The following LINGO1 variants were observed in gnomAD, a reference collection of about 807,000 sequenced individuals.
LINGO1 encodes leucine rich repeat and Ig domain containing 1, also known as leucine-rich repeat and immunoglobulin-like domain-containing nogo receptor-interacting protein 1.
LINGO1 carries 11 observed loss-of-function variants against 37.3 expected under a neutral mutation model. The ratio of observed to expected loss-of-function variants is 0.29; its 90% confidence interval spans 0.19 to 0.49. LINGO1 has a LOEUF of 0.49. LINGO1 is among the 20% of genes least tolerant of loss of function. The pLI is 0.99. For synonymous variants in LINGO1, 387 were observed against 403.0 expected (o/e 0.96, Z 0.48); for missense variants, 585 against 878.2 (o/e 0.67, Z 4.22).
chr15:77,636,836 GAAGTAC>G (rs1200219974), upstream of LINGO1, among the ~76,000 whole-genome samples: 8 of 152,162 alleles, frequency 5.3e-5, no homozygotes, highest in African/African-American at 1.9e-4. Context: ...GCTGTGTAAT[GAAGTAC>G]TAGGCTAGAG....
chr15:77,760,417 G>T (rs2076463612), intron 1 of LINGO1, among the ~76,000 whole-genome samples: 1 of 152,238 alleles, frequency 6.6e-6, no homozygotes, highest in African/African-American at 2.4e-5. Flanking sequence ...GTTTTGTTTG[G>T]CCTGCTCAGT....
At chr15:77,646,591 C>T in intron 3 of LINGO1, 1 of 341,204 alleles carries the variant, frequency 2.9e-6, no homozygotes, top group Non-Finnish European at 5.9e-6. Context: ...GACCAGGGGC[C>T]AGCCTCTCTC....
intron 3 of LINGO1, among the ~76,000 whole-genome samples, chr15:77,642,985 G>A (rs906207256): frequency 6.6e-6 from 1 of 152,184 alleles, no homozygotes; most frequent in African/African-American, 2.4e-5. Context: ...CCTGGGCTTG[G>A]TGCCTCTCCC....
At chr15:77,643,588 C>T (rs1040580793) in intron 3 of LINGO1, among the ~76,000 whole-genome samples, 3 of 152,296 alleles carry the variant, frequency 2.0e-5, no homozygotes, top group African/African-American at 2.4e-5. Flanking sequence ...CTGCCATTCT[C>T]GGGCATGCCA....
intron 1 of LINGO1, among the ~76,000 whole-genome samples, chr15:77,799,481 C>G (rs2076899649): frequency 1.3e-5 from 2 of 152,206 alleles, no homozygotes; most frequent in Admixed American, 1.3e-4. Context: ...GGTGGTATTT[C>G]TCATTAGCAC....
intron 1 of LINGO1, among the ~76,000 whole-genome samples, chr15:77,627,026 C>A (rs1229631314): frequency 6.6e-6 from 1 of 151,334 alleles, no homozygotes; most frequent in African/African-American, 2.4e-5. Context: ...GCCCCCACCC[C>A]CTCCCAGAGG....
At chr15:77,683,618 T>G (rs2075453524) in intron 2 of LINGO1, among the ~76,000 whole-genome samples, 2 of 152,168 alleles carry the variant, frequency 1.3e-5, no homozygotes. Context: ...GGTGGGGTAA[T>G]GTGCATAATA....
chr15:77,799,308 G>C (rs1567590934), intron 1 of LINGO1, among the ~76,000 whole-genome samples: 1 of 152,076 alleles, frequency 6.6e-6, no homozygotes, highest in Non-Finnish European at 1.5e-5. Context: ...GAAGGCCAGG[G>C]ACTGCAGGAG....
intron 3 of LINGO1, among the ~76,000 whole-genome samples, chr15:77,662,884 A>G (rs972384262): frequency 6.6e-6 from 1 of 152,210 alleles, no homozygotes. Flanking sequence ...CACAGAACCC[A>G]CACTCCCTGG....
intron 2 of LINGO1, among the ~76,000 whole-genome samples, chr15:77,721,597 T>C (rs749440498): frequency 3.3e-5 from 5 of 152,168 alleles, no homozygotes; most frequent in Non-Finnish European, 7.3e-5. Context: ...ATTGACTGTG[T>C]TTTTTATTTG....
rs1162959845 is a variant in LINGO1 at position 77,632,361 on chromosome 15, T to A, written c.-46A>T. On this transcript the variant is annotated 5_prime_UTR_variant, in exon 1 of 2. Transcript: ENST00000355300. This position sits in a 1 kb window ranked among gnomAD's most constrained non-coding sequence, Gnocchi z 6.0. The stretch of plus-strand genomic sequence containing the variant: ...GCTCGGCTCGGTCACCAATCGCATG[T>A]CTCTCCAGCCGGCCCGACCAGGCCC... The A allele has an allele frequency of 6.4e-6, 9 of 1,396,740 alleles. No individual in the cohort carries two copies. Among genetic ancestry groups the A allele is most frequent in the Non-Finnish European group, 8.4e-6 (9 of 1,071,482 alleles). The allele number at this position is 1,396,740 out of a possible 1,614,324, so 86.5% of individuals were successfully genotyped here.
At chr15:77,820,643 C>T (rs191971658), upstream of LINGO1, 13 of 152,730 alleles carry the variant, frequency 8.5e-5, 1 homozygote, top group Admixed American at 7.2e-4. Flanking sequence ...GCCGACCCCT[C>T]TCTGCACCTC....
upstream of LINGO1, among the ~76,000 whole-genome samples, chr15:77,789,940 T>G (rs1262521472): frequency 6.6e-6 from 1 of 152,122 alleles, no homozygotes; most frequent in Non-Finnish European, 1.5e-5. Context: ...ACCAGCTATT[T>G]TTTTTATCTT....
chr15:77,812,284 G>C (rs920830284), intron 1 of LINGO1, among the ~76,000 whole-genome samples: 1 of 152,134 alleles, frequency 6.6e-6, no homozygotes, highest in African/African-American at 2.4e-5. Context: ...ATCCTCATGC[G>C]GCCACCATCC....
rs183516259 is a variant in LINGO1 at position 77,678,438 on chromosome 15, T to C, written c.-98-1264A>G. On this transcript the variant is annotated intron_variant, in intron 2 of 3. Transcript: ENST00000559893. ...AAATGGAGTCATCTAAACGTAGCCC[T>C]CTGAGTCTGGTTTCGTTCACCCAGC... Among the ~76,000 whole-genome samples the C allele has an allele frequency of 4.4e-4, 67 of 152,374 alleles. 1 individual carries two copies. Among genetic ancestry groups the C allele is most frequent in the Admixed American group, 4.3e-3 (66 of 15,312 alleles).
At chr15:77,689,715 C>T (rs1465668314) in intron 2 of LINGO1, among the ~76,000 whole-genome samples, 1 of 152,222 alleles carries the variant, frequency 6.6e-6, no homozygotes, top group Non-Finnish European at 1.5e-5. Context: ...CTCTTCCTCC[C>T]TTTCCCTGAG....
upstream of LINGO1, among the ~76,000 whole-genome samples, chr15:77,634,898 C>A (rs1326912994): frequency 1.3e-5 from 2 of 152,216 alleles, no homozygotes; most frequent in Non-Finnish European, 2.9e-5. Flanking sequence ...GGCGCGCAGA[C>A]CCGCTGGGGG....
intron 3 of LINGO1, chr15:77,642,066 T>A: frequency 2.3e-6 from 1 of 444,372 alleles, no homozygotes; most frequent in Non-Finnish European, 4.6e-6. Context: ...GCGTGTGACA[T>A]TTCTTGTGGA....
intron 1 of LINGO1, among the ~76,000 whole-genome samples, chr15:77,786,058 T>C (rs1240666600): frequency 1.3e-5 from 2 of 152,070 alleles, no homozygotes; most frequent in Non-Finnish European, 2.9e-5. Flanking sequence ...TGGGAGAAAC[T>C]GAGACTAGGA....
Sources: allele counts gnomAD v4.1 joint callset (sites outside exome capture counted in the v4.1 genomes callset), GRCh38; gene constraint gnomAD v4.1.1; non-coding constraint Gnocchi (gnomAD v3.1); transcripts MANE v1.5; gene names NCBI Gene and HGNC (gene_info 2026-07-23, HGNC 2026-07-21).